Variants in PIR observed in about 807,000 individuals in gnomAD.
PIR encodes the protein pirin.
A neutral mutation model predicts 24.2 loss-of-function variants in PIR; 22 were observed. The ratio of observed to expected loss-of-function variants is 0.91; its 90% CI spans 0.65 to 1.30. PIR has a LOEUF of 1.30. PIR is among the 50% of genes most tolerant of loss of function. The probability of loss-of-function intolerance (pLI) is 0.00; values close to 1 mark genes in which losing one functional copy is unlikely to be tolerated. For synonymous variants in PIR, 80 were observed against 79.6 expected, an observed-to-expected ratio of 1.00 and a Z score of -0.03; for missense variants, 220 against 220.3, an observed-to-expected ratio of 1.00 and a Z score of 0.01.
intron 1 of PIR, among the ~76,000 whole-genome samples, chrX:15,492,778 T>C (rs1359437681): frequency 8.9e-6 from 1 of 111,979 alleles, no homozygotes; most frequent in African/African-American, 3.3e-5. Context: ...CTCCACTTAG[T>C]CAAGGCCTAC....
At chrX:15,439,166 T>C (rs894187686) in intron 5 of PIR, among the ~76,000 whole-genome samples, 1 of 111,990 alleles carries the variant, frequency 8.9e-6, no homozygotes, top group Non-Finnish European at 1.9e-5. Context: ...ATTAAAAGAA[T>C]TGACACATAT....
At chrX:15,434,732 T>C (rs1343612815) in intron 5 of PIR, among the ~76,000 whole-genome samples, 1 of 104,716 alleles carries the variant, frequency 9.5e-6, no homozygotes, top group Non-Finnish European at 2.0e-5. Context: ...TTTTTTTCAA[T>C]AAAGTAAGGT....
chrX:15,488,379 G>A (rs1376043342), intron 2 of PIR, among the ~76,000 whole-genome samples: 1 of 109,732 alleles, frequency 9.1e-6, no homozygotes, highest in Non-Finnish European at 1.9e-5. Flanking sequence ...CTGATGGGAG[G>A]GTTAGGGAGT....
chrX:15,442,528 A>G (rs1280517688), intron 5 of PIR, among the ~76,000 whole-genome samples: 1 of 112,140 alleles, frequency 8.9e-6, no homozygotes, highest in Non-Finnish European at 1.9e-5. Flanking sequence ...AAGGCATGTC[A>G]AAAGCCGAGA....
intron 5 of PIR, among the ~76,000 whole-genome samples, chrX:15,433,673 G>GAA (rs1925608276): frequency 2.3e-5 from 2 of 87,315 alleles, no homozygotes; most frequent in Non-Finnish European, 4.5e-5. Flanking sequence ...AGAAGGAGGA[G>GAA]GAGGAAGGAG....
intron 6 of PIR, among the ~76,000 whole-genome samples, chrX:15,417,491 T>TC (rs1924964995): frequency 8.9e-6 from 1 of 112,038 alleles, no homozygotes; most frequent in African/African-American, 3.2e-5. Context: ...TCCTTTTTTT[T>TC]CCCCATAAAC....
chrX:15,452,647 A>G (rs990715919), intron 5 of PIR, among the ~76,000 whole-genome samples: 3 of 112,193 alleles, frequency 2.7e-5, no homozygotes, highest in African/African-American at 9.7e-5. Context: ...GCTTAATCAA[A>G]TGATTTCTCA....
intron 5 of PIR, among the ~76,000 whole-genome samples, chrX:15,447,080 G>A (rs112520322): frequency 0.014 from 1,527 of 111,861 alleles, 28 homozygotes; most frequent in African/African-American, 0.045. Flanking sequence ...CAGATTTATT[G>A]AGATATAATT....
At chrX:15,435,857 G>C (rs1372148728) in intron 5 of PIR, among the ~76,000 whole-genome samples, 1 of 112,378 alleles carries the variant, frequency 8.9e-6, no homozygotes, top group East Asian at 2.8e-4. Flanking sequence ...CTCATTTTTA[G>C]AATAGGCTGA....
chrX:15,437,249 C>T (rs1181579502), intron 5 of PIR, among the ~76,000 whole-genome samples: 1 of 111,732 alleles, frequency 8.9e-6, no homozygotes, highest in East Asian at 2.8e-4. Flanking sequence ...AGTTGGAGAG[C>T]TTATCTTTGG....
At chrX:15,421,300 A>T (rs777393020) in intron 6 of PIR, among the ~76,000 whole-genome samples, 3 of 112,371 alleles carry the variant, frequency 2.7e-5, no homozygotes, top group African/African-American at 9.7e-5. Context: ...AATCAAGATC[A>T]GAGTAGAAGT....
At position 15,425,958 on chromosome X, in the gene PIR, A is replaced by G. The variant is rs1326021093; in HGVS notation, c.513T>C (p.Tyr171=). Residue 171 remains tyrosine (Y), a synonymous_variant, in exon 6 of 10, where the codon TAT becomes TAC. Coordinates refer to ENST00000380420, the MANE Select transcript of PIR (RefSeq NM_001018109.3). ...SKVYTRTPTL[Y]LDFKLDPGAK... is the part of the protein sequence containing the mutation. Reference sequence around the variant, plus strand: ...CTCCTGGGTCCAATTTGAAGTCCAAATATAAGGTTGGTGTGCGAGTGTAAA... The same window carrying G: ...CTCCTGGGTCCAATTTGAAGTCCAAGTATAAGGTTGGTGTGCGAGTGTAAA... 1 of 1,196,920 alleles carries G rather than the reference A, an allele frequency of 8.4e-7. No homozygotes were observed. The highest frequency in any genetic ancestry group is 1.8e-5 in the South Asian group (1 of 56,664).
At chrX:15,450,038 G>T (rs933582562) in intron 5 of PIR, among the ~76,000 whole-genome samples, 37 of 110,955 alleles carry the variant, frequency 3.3e-4, no homozygotes, top group African/African-American at 9.8e-4. Flanking sequence ...TTCTTTTCTG[G>T]TTTAACTTGA....
intron 3 of PIR, among the ~76,000 whole-genome samples, chrX:15,478,940 C>T (rs1300262417): frequency 8.9e-6 from 1 of 112,096 alleles, no homozygotes; most frequent in Non-Finnish European, 1.9e-5. Flanking sequence ...GGTCTCTTCC[C>T]TACTAATGCA....
chrX:15,416,930 T>G (rs2147023580), intron 6 of PIR, among the ~76,000 whole-genome samples: 1 of 111,267 alleles, frequency 9.0e-6, no homozygotes, highest in East Asian at 2.8e-4. Flanking sequence ...CAGATGACAC[T>G]TTATTTATTT....
chrX:15,477,172 T>C (rs1216416330), intron 3 of PIR, among the ~76,000 whole-genome samples: 2 of 111,762 alleles, frequency 1.8e-5, no homozygotes, highest in African/African-American at 6.5e-5. Context: ...AGGGAGGTGA[T>C]GAGAGAGTAC....
chrX:15,485,341 G>A (rs1922751852), intron 2 of PIR, among the ~76,000 whole-genome samples: 1 of 111,754 alleles, frequency 8.9e-6, no homozygotes, highest in African/African-American at 3.3e-5. Context: ...GGTGGAAGGA[G>A]CCAGCTAGCT....
rs536569634 is a variant in PIR at position 15,397,395 on chromosome X, G to A, written c.693+54C>T. On this transcript the variant is annotated intron_variant, in intron 8 of 9. Transcript: ENST00000380420. The stretch of plus-strand genomic sequence containing the variant: ...ATCCACAACATTTAGGCATTTTCTT[G>A]GAAACCAGTAGAAAGTACATGTTAA... 919 of 861,322 alleles carry A rather than the reference G, an allele frequency of 1.1e-3. 3 individuals carry two copies. The highest frequency in any genetic ancestry group is 1.4e-3 in the Non-Finnish European group (800 of 578,002). The allele number at this position is 861,322 out of a possible 1,213,427, so 71.0% of individuals were successfully genotyped here.
chrX:15,424,728 G>A (rs911787539), intron 6 of PIR, among the ~76,000 whole-genome samples: 1 of 112,149 alleles, frequency 8.9e-6, no homozygotes, highest in Non-Finnish European at 1.9e-5. Flanking sequence ...AGACACAATG[G>A]CTCATGCCTG....
Sources: gnomAD v4.1 joint callset for allele counts (sites outside exome capture counted in the v4.1 genomes callset) on GRCh38, gnomAD v4.1.1 for gene constraint, MANE v1.5 for transcripts, NCBI Gene and HGNC (gene_info 2026-07-23, HGNC 2026-07-21) for gene names.